The following MAP4 variants were observed in gnomAD, a reference collection of about 807,000 sequenced individuals.
MAP4 encodes microtubule associated protein 4.
MAP4 carries 76 observed loss-of-function variants against 170.2 expected under a neutral mutation model. The observed-to-expected ratio is 0.45, with a 90% CI of 0.37 to 0.54. MAP4 has a LOEUF of 0.54. Among genes scored for constraint, MAP4 ranks in the 20% least tolerant of loss-of-function variants. The pLI is 0.00. For missense variants in MAP4, 2,506 were observed against 2,748.0 expected, an observed-to-expected ratio of 0.91 and a Z score of 1.97; for synonymous variants, 909 against 994.5, an observed-to-expected ratio of 0.91 and a Z score of 1.62.
chr3:48,023,133 T>TA (rs2100111399), intron 1 of MAP4, among the ~76,000 whole-genome samples: 1 of 152,022 alleles, frequency 6.6e-6, no homozygotes, highest in African/African-American at 2.4e-5. Context: ...ACCAATGACT[T>TA]AGACATGTGG....
chr3:48,061,866 C>A (rs1394780658), intron 1 of MAP4, among the ~76,000 whole-genome samples: 1 of 150,524 alleles, frequency 6.6e-6, no homozygotes, highest in African/African-American at 2.5e-5. Flanking sequence ...CGGCCAGCCA[C>A]CCCGTCCGGG....
chr3:47,994,617 T>C (rs2100094310), intron 2 of MAP4, among the ~76,000 whole-genome samples: 1 of 152,198 alleles, frequency 6.6e-6, no homozygotes, highest in Non-Finnish European at 1.5e-5. Flanking sequence ...GAGGAAAGTT[T>C]TTAAGACATT....
intron 3 of MAP4, among the ~76,000 whole-genome samples, chr3:47,954,476 C>G (rs2100066487): frequency 6.6e-6 from 1 of 152,182 alleles, no homozygotes; most frequent in Non-Finnish European, 1.5e-5. Flanking sequence ...AAAACTCCAG[C>G]TCTGGTAGTA....
intron 2 of MAP4, among the ~76,000 whole-genome samples, chr3:47,983,697 T>C (rs2100086826): frequency 6.6e-6 from 1 of 152,030 alleles, no homozygotes; most frequent in African/African-American, 2.4e-5. Context: ...CAATTCTATT[T>C]GTATAAAGAC....
intron 3 of MAP4, among the ~76,000 whole-genome samples, chr3:47,953,968 C>T (rs763382838): frequency 8.6e-5 from 13 of 151,486 alleles, no homozygotes; most frequent in Admixed American, 1.3e-4. Context: ...TAGCCAAGAT[C>T]GTGCCACTGT....
At chr3:47,894,780 C>T (rs2100025911) in intron 10 of MAP4, among the ~76,000 whole-genome samples, 1 of 152,068 alleles carries the variant, frequency 6.6e-6, no homozygotes, top group East Asian at 1.9e-4. Context: ...AATCCCAGCA[C>T]TTTGGGAGGC....
chr3:47,967,511 G>A (rs1315935783), intron 3 of MAP4, among the ~76,000 whole-genome samples: 2 of 152,142 alleles, frequency 1.3e-5, no homozygotes, highest in Non-Finnish European at 2.9e-5. Flanking sequence ...AATTAGCTGG[G>A]CATGGCGGCA....
chr3:47,977,289 G>A (rs2100082728), intron 3 of MAP4, among the ~76,000 whole-genome samples: 1 of 152,196 alleles, frequency 6.6e-6, no homozygotes, highest in Non-Finnish European at 1.5e-5. Context: ...ATTGGGGCAG[G>A]GGGTTGGTGC....
chr3:47,867,056 T>C (rs1378179825), intron 17 of MAP4, among the ~76,000 whole-genome samples, 190 bp downstream of exon 17: 1 of 152,192 alleles, frequency 6.6e-6, no homozygotes. Flanking sequence ...TGCTGGTGTT[T>C]AGGGGCTCAC....
chr3:48,069,893 T>C (rs999199610), intron 1 of MAP4, among the ~76,000 whole-genome samples: 2 of 152,208 alleles, frequency 1.3e-5, no homozygotes, highest in Non-Finnish European at 2.9e-5. Context: ...AATACTGATG[T>C]TATTGTTTTA....
chr3:47,975,069 G>A (rs1373311331), intron 3 of MAP4: 2 of 1,041,496 alleles, frequency 1.9e-6, no homozygotes, highest in African/African-American at 1.7e-5. Flanking sequence ...TTGAACATTT[G>A]AAAACCAAAG....
chr3:48,044,477 A>C (rs2100123341), intron 1 of MAP4, among the ~76,000 whole-genome samples: 1 of 150,422 alleles, frequency 6.6e-6, no homozygotes, highest in Non-Finnish European at 1.5e-5. Context: ...TTTTTAAAAA[A>C]TTTTGGGCCA....
At chr3:48,008,701 G>A (rs147408551) in intron 1 of MAP4, among the ~76,000 whole-genome samples, 139 of 152,330 alleles carry the variant, frequency 9.1e-4, no homozygotes, top group African/African-American at 3.2e-3. Flanking sequence ...TAATAATCTA[G>A]TGGATAGGAT....
chr3:47,930,089 C>T (rs1325944123), intron 3 of MAP4, among the ~76,000 whole-genome samples: 1 of 152,070 alleles, frequency 6.6e-6, no homozygotes, highest in African/African-American at 2.4e-5. Flanking sequence ...GACATTGTGC[C>T]ACTGTACTGC....
chr3:47,980,387 A>G (rs2100084797), intron 2 of MAP4, among the ~76,000 whole-genome samples: 1 of 152,222 alleles, frequency 6.6e-6, no homozygotes, highest in African/African-American at 2.4e-5. Context: ...CTAAGACAAT[A>G]AGTGAATATC....
intron 20 of MAP4, 87 bp downstream of exon 20, chr3:47,853,076 C>T (rs1169353077): frequency 4.3e-6 from 7 of 1,614,162 alleles, no homozygotes; most frequent in East Asian, 2.2e-5. Context: ...AAATTTAGGC[C>T]ACACTCTAGT....
rs551329376 is a variant in MAP4, at chr3:47,933,423, C to T, written c.293-5073G>A. Among the ~76,000 whole-genome samples the T allele has an allele frequency of 3.9e-5, 6 of 152,040 alleles. No individual in the cohort carries two copies. The South Asian group carries it at 8.3e-4, about 21-fold the overall frequency. ...GGTAAATTTTTGGGTATGTAAATTACACCTCAATAAAGTTTTTTTCTTTCT... is the reference window on the plus strand; with the variant it reads ...GGTAAATTTTTGGGTATGTAAATTATACCTCAATAAAGTTTTTTTCTTTCT... On this transcript the variant is annotated intron_variant, in intron 3 of 20. Transcript: ENST00000683076.
At chr3:47,856,967 G>A (rs1259142921) in intron 18 of MAP4, among the ~76,000 whole-genome samples, 3 of 152,260 alleles carry the variant, frequency 2.0e-5, no homozygotes, top group African/African-American at 7.2e-5. Flanking sequence ...CTGCATTAGT[G>A]CAAGTTGCTG....
At chr3:47,996,225 T>C (rs1264434417) in intron 2 of MAP4, among the ~76,000 whole-genome samples, 1 of 151,836 alleles carries the variant, frequency 6.6e-6, no homozygotes, top group Non-Finnish European at 1.5e-5. Flanking sequence ...GAAAGAGTAA[T>C]AGAAACATAC....
Sources: allele counts gnomAD v4.1 joint callset (sites outside exome capture counted in the v4.1 genomes callset), GRCh38; gene constraint gnomAD v4.1.1; transcripts MANE v1.5; gene names NCBI Gene and HGNC (gene_info 2026-07-23, HGNC 2026-07-21).